The following FOXP1 variants were observed in gnomAD, a reference collection of about 807,000 sequenced individuals.
FOXP1 encodes forkhead box protein P1.
FOXP1 carries 15 observed loss-of-function variants against 98.2 expected under a neutral mutation model. The ratio of observed to expected loss-of-function variants is 0.15; its 90% confidence interval spans 0.10 to 0.24. The LOEUF (loss-of-function observed/expected upper bound fraction) is 0.24. Ranked by LOEUF, FOXP1 falls within the 10% of genes least tolerant of loss-of-function variation. FOXP1 has a pLI of 1.00. For missense variants in FOXP1, 633 were observed against 848.5 expected (o/e 0.75, Z 3.15); for synonymous variants, 371 against 314.5 (o/e 1.18, Z -1.90).
intron 4 of FOXP1, among the ~76,000 whole-genome samples, chr3:71,307,570 C>A (rs965992704): frequency 2.0e-5 from 3 of 152,180 alleles, no homozygotes; most frequent in Non-Finnish European, 4.4e-5. Flanking sequence ...TTGAAATGAC[C>A]TTCCAAATAA....
chr3:71,313,411 C>T (rs375158293), intron 4 of FOXP1, among the ~76,000 whole-genome samples: 7 of 152,154 alleles, frequency 4.6e-5, no homozygotes, highest in African/African-American at 1.7e-4. Context: ...TGTTATCTAC[C>T]TATTCATTGG....
intron 3 of FOXP1, among the ~76,000 whole-genome samples, chr3:71,459,890 C>T (rs757209705): frequency 1.3e-5 from 2 of 151,182 alleles, no homozygotes; most frequent in Non-Finnish European, 2.9e-5. Context: ...AGAAAGATTA[C>T]GTGCCATTGG....
chr3:71,128,308 T>TA (rs5849990), intron 6 of FOXP1, among the ~76,000 whole-genome samples: 77,395 of 147,162 alleles, frequency 0.53, 21,794 homozygotes, highest in Non-Finnish European at 0.64. Flanking sequence ...ACTTGAGAAC[T>TA]AAAAAAAAAA....
chr3:70,998,774 C>A (rs1165425243), intron 13 of FOXP1, among the ~76,000 whole-genome samples: 1 of 152,210 alleles, frequency 6.6e-6, no homozygotes, highest in Non-Finnish European at 1.5e-5. Flanking sequence ...CACCAAAAAA[C>A]AACATGAAAG....
At chr3:71,021,752 G>C (rs2045477101) in intron 11 of FOXP1, among the ~76,000 whole-genome samples, 1 of 152,142 alleles carries the variant, frequency 6.6e-6, no homozygotes, top group African/African-American at 2.4e-5. Context: ...TTGTGCTTTT[G>C]ATTGAATTTC....
At chr3:71,177,721 C>T (rs965615723) in intron 6 of FOXP1, among the ~76,000 whole-genome samples, 2 of 151,954 alleles carry the variant, frequency 1.3e-5, no homozygotes, top group African/African-American at 4.8e-5. Context: ...AACACAGGTA[C>T]AGTACTAAGC....
intron 2 of FOXP1, 144 bp from the exon 3 acceptor site, chr3:71,493,699 T>A (rs547677079): frequency 6.6e-6 from 1 of 152,200 alleles, no homozygotes; most frequent in South Asian, 2.1e-4. Context: ...ACATCAAGTG[T>A]GATGCTGTTA....
At chr3:71,071,203 G>T (rs1271494056) in intron 7 of FOXP1, among the ~76,000 whole-genome samples, 1 of 152,162 alleles carries the variant, frequency 6.6e-6, no homozygotes, top group African/African-American at 2.4e-5. Flanking sequence ...TGGGGAGCGG[G>T]TGGGAGAGGG....
chr3:71,150,822 T>C (rs1292551252), intron 6 of FOXP1, among the ~76,000 whole-genome samples: 1 of 152,190 alleles, frequency 6.6e-6, no homozygotes, highest in Non-Finnish European at 1.5e-5. Flanking sequence ...GTATGTGGCA[T>C]GGCGGTGTTT....
intron 5 of FOXP1, among the ~76,000 whole-genome samples, chr3:71,253,192 A>T (rs990031319): frequency 1.3e-5 from 2 of 152,232 alleles, no homozygotes; most frequent in Non-Finnish European, 2.9e-5. Context: ...CATGTTAAAC[A>T]GAAGTCACTT....
chr3:70,977,091 G>A, intron 16 of FOXP1, 49 bp from the exon 17 acceptor site: 1 of 1,211,710 alleles, frequency 8.3e-7, no homozygotes. Flanking sequence ...AATCAGCAGA[G>A]TCGTCATTCC....
At chr3:71,496,214 G>C (rs2091397226) in intron 2 of FOXP1, among the ~76,000 whole-genome samples, 1 of 152,206 alleles carries the variant, frequency 6.6e-6, no homozygotes, top group Non-Finnish European at 1.5e-5. Context: ...CCAGTTTTAT[G>C]ATTCCAGAGT....
chr3:71,392,166 A>T (rs1390462128), intron 3 of FOXP1, among the ~76,000 whole-genome samples: 1 of 152,216 alleles, frequency 6.6e-6, no homozygotes, highest in Non-Finnish European at 1.5e-5. Flanking sequence ...GTAGAAAATA[A>T]TAGTCCTTTA....
chr3:71,302,297 T>C (rs749035601), intron 4 of FOXP1, among the ~76,000 whole-genome samples: 3 of 152,196 alleles, frequency 2.0e-5, no homozygotes, highest in Non-Finnish European at 4.4e-5. Context: ...GGCCCGAGTC[T>C]GCCTCATTAC....
chr3:71,401,325 A>G (rs2081946286), intron 3 of FOXP1, among the ~76,000 whole-genome samples: 2 of 152,196 alleles, frequency 1.3e-5, no homozygotes, highest in Non-Finnish European at 2.9e-5. Flanking sequence ...TCTCTGGATG[A>G]CGGATCAAGA....
chr3:70,975,037 A>G (rs2037201572), intron 17 of FOXP1, among the ~76,000 whole-genome samples: 1 of 152,216 alleles, frequency 6.6e-6, no homozygotes, highest in African/African-American at 2.4e-5. Context: ...GTCTAAGATC[A>G]TGGTACAAAC....
At position 70,956,732 on chromosome 3, in the gene FOXP1, G is replaced by GTTTTTTTT. The variant is rs142956636; in HGVS notation, c.*2507_*2514dup. On this transcript the variant is annotated 3_prime_UTR_variant, in exon 21 of 21. Transcript: ENST00000649528. ...GCACATCATGAAGCTGCCTGGAAAA[G>GTTTTTTTT]TTTTTTTTTTTTTTTTTTTTTTTTT... is the stretch of plus-strand genomic sequence containing the variant. 1.0e-3 allele frequency: 34 copies of GTTTTTTTT among 32,812 alleles called. 6 individuals carry two copies. The highest frequency in any genetic ancestry group is 1.6e-3 in the Non-Finnish European group (26 of 16,446). 2.0% of individuals were successfully genotyped at this position (32,812 alleles called of 1,614,324 possible).
intron 3 of FOXP1, among the ~76,000 whole-genome samples, chr3:71,476,077 C>G (rs2089811276): frequency 6.6e-6 from 1 of 152,046 alleles, no homozygotes; most frequent in African/African-American, 2.4e-5. Flanking sequence ...TATCCGATAG[C>G]ATTCAAAGTG....
At chr3:71,239,780 T>C (rs2067097318) in intron 5 of FOXP1, among the ~76,000 whole-genome samples, 1 of 152,206 alleles carries the variant, frequency 6.6e-6, no homozygotes, top group African/African-American at 2.4e-5. Flanking sequence ...TGTGACAGCC[T>C]TTGCTTAACT....
Sources: allele counts gnomAD v4.1 joint callset (sites outside exome capture counted in the v4.1 genomes callset), GRCh38; gene constraint gnomAD v4.1.1; transcripts MANE v1.5; gene names NCBI Gene and HGNC (gene_info 2026-07-23, HGNC 2026-07-21).